TMEM114: variants seen among roughly 807,000 people sequenced by gnomAD.
TMEM114 encodes the protein claudin-26.
Under a neutral mutation model 6.2 loss-of-function variants are expected in TMEM114, and 6 were observed. The ratio of observed to expected loss-of-function variants is 0.97; its 90% confidence interval spans 0.53 to 1.91. TMEM114 has a LOEUF of 1.91. Ranked by LOEUF, TMEM114 falls within the 40% of genes most tolerant of loss-of-function variation. The pLI, the probability that TMEM114 is intolerant of heterozygous loss-of-function variation, is 0.01. For synonymous variants in TMEM114, 104 were observed against 73.0 expected (o/e 1.42, Z -2.16); for missense variants, 218 against 158.3 (o/e 1.38, Z -2.02).
At chr16:8,565,049 GTGAGTGAGTGAGTGAA>G (rs1273047313), downstream of TMEM114, among the ~76,000 whole-genome samples, 352 of 93,208 alleles carry the variant, frequency 3.8e-3, 1 homozygote, top group African/African-American at 0.012. Flanking sequence ...GAGTGAATGA[GTGAGTGAGTGAGTGAA>G]TGAGTGAGTG....
chr16:8,539,263 G>A (rs1048400338), intron 2 of TMEM114, among the ~76,000 whole-genome samples: 4 of 152,042 alleles, frequency 2.6e-5, no homozygotes, highest in African/African-American at 9.7e-5. Context: ...TGAATTCCAG[G>A]ATGTGATCTG....
At chr16:8,553,830 G>C (rs1392507520) in intron 2 of TMEM114, among the ~76,000 whole-genome samples, 5 of 151,466 alleles carry the variant, frequency 3.3e-5, no homozygotes, top group Admixed American at 2.0e-4. Context: ...CTCCCAAGTA[G>C]CTGGAATTAC....
At chr16:8,568,639 C>T (rs1013194061), downstream of TMEM114, among the ~76,000 whole-genome samples, 2 of 152,146 alleles carry the variant, frequency 1.3e-5, no homozygotes, top group African/African-American at 4.8e-5. Context: ...TCTTTTAATC[C>T]ACACCAGTAT....
intron 2 of TMEM114, among the ~76,000 whole-genome samples, chr16:8,564,235 T>A (rs62646484): frequency 1.4e-4 from 7 of 48,708 alleles, no homozygotes; most frequent in South Asian, 1.2e-3. Context: ...ATGAGTGAGT[T>A]AGTGAATGAG....
chr16:8,584,922 CAAAAAAA>C (rs905674847), intron 2 of TMEM114, among the ~76,000 whole-genome samples: 1 of 49,206 alleles, frequency 2.0e-5, no homozygotes, highest in Non-Finnish European at 4.2e-5. Flanking sequence ...AACGCCGTCT[CAAAAAAA>C]AAAAAAAAAA....
chr16:8,544,508 G>C (rs1484652978), intron 2 of TMEM114, among the ~76,000 whole-genome samples: 1 of 152,182 alleles, frequency 6.6e-6, no homozygotes, highest in Non-Finnish European at 1.5e-5. Context: ...AACGTCAAGT[G>C]ACTTGATATT....
At chr16:8,559,689 C>T (rs1318185458) in intron 2 of TMEM114, among the ~76,000 whole-genome samples, 2 of 152,170 alleles carry the variant, frequency 1.3e-5, no homozygotes, top group Non-Finnish European at 2.9e-5. Flanking sequence ...GGACAGACGT[C>T]GATGTTCTAA....
downstream of TMEM114, among the ~76,000 whole-genome samples, chr16:8,532,942 A>C (rs150741655): frequency 6.6e-6 from 1 of 152,286 alleles, no homozygotes; most frequent in East Asian, 1.9e-4. Flanking sequence ...GAAAAAAAAT[A>C]AAGAAAAGAA....
downstream of TMEM114, among the ~76,000 whole-genome samples, chr16:8,535,559 T>C (rs1183023747): frequency 6.6e-6 from 1 of 152,228 alleles, no homozygotes; most frequent in African/African-American, 2.4e-5. Flanking sequence ...ATTAATAATA[T>C]TGAAATAATG....
At chr16:8,546,955 G>A (rs1012212808) in intron 2 of TMEM114, among the ~76,000 whole-genome samples, 1 of 152,322 alleles carries the variant, frequency 6.6e-6, no homozygotes, top group South Asian at 2.1e-4. Context: ...TGGGAGGACA[G>A]GGGAAAGCCA....
chr16:8,549,694 G>A (rs761113333), intron 2 of TMEM114, among the ~76,000 whole-genome samples: 10 of 152,120 alleles, frequency 6.6e-5, no homozygotes, highest in African/African-American at 1.2e-4. Context: ...TTTTGTATGC[G>A]GGGTTCTGTG....
intron 2 of TMEM114, among the ~76,000 whole-genome samples, chr16:8,543,577 C>T (rs567307784): frequency 1.3e-5 from 2 of 152,242 alleles, no homozygotes; most frequent in African/African-American, 4.8e-5. Flanking sequence ...GCCAACCCAA[C>T]TCATTCTTTA....
chr16:8,550,671 T>C (rs1303160971), intron 2 of TMEM114, among the ~76,000 whole-genome samples: 2 of 145,820 alleles, frequency 1.4e-5, no homozygotes, highest in East Asian at 2.0e-4. Flanking sequence ...AGAGCAAAAC[T>C]TCGTCAAAAA....
intron 2 of TMEM114, among the ~76,000 whole-genome samples, chr16:8,574,248 G>T (rs1901838786): frequency 6.6e-6 from 1 of 152,124 alleles, no homozygotes; most frequent in African/African-American, 2.4e-5. Context: ...AAAGTATACG[G>T]CTCACAGAAT....
At chr16:8,568,234 G>A (rs979561718), downstream of TMEM114, among the ~76,000 whole-genome samples, 7 of 152,160 alleles carry the variant, frequency 4.6e-5, no homozygotes, top group African/African-American at 7.2e-5. Flanking sequence ...CCTCAATCAT[G>A]TGGCACCCCA....
chr16:8,552,555 A>G (rs186607920), intron 2 of TMEM114, among the ~76,000 whole-genome samples: 21 of 152,218 alleles, frequency 1.4e-4, no homozygotes, highest in Admixed American at 5.2e-4. Context: ...AGTTTAACTA[A>G]CAGTATTGCA....
the TMEM114 span, among the ~76,000 whole-genome samples, chr16:8,528,352 G>C: frequency 6.6e-6 from 1 of 152,162 alleles, no homozygotes; most frequent in African/African-American, 2.4e-5. Flanking sequence ...CCATTCTGCT[G>C]CAGAAGATGT....
chr16:8,569,497 G>A (rs1156470156), downstream of TMEM114: 1 of 1,359,640 alleles, frequency 7.4e-7, no homozygotes, highest in Non-Finnish European at 9.5e-7. Context: ...GTAAAGCTCT[G>A]TGTGTGATTA....
chr16:8,589,386 C>T, intron 1 of TMEM114, 93 bp from the exon 2 acceptor site: 1 of 398,694 alleles, frequency 2.5e-6, no homozygotes, highest in Non-Finnish European at 4.4e-6. Context: ...ACCCTAAGTG[C>T]CCCACCCGGG....
Sources: allele counts gnomAD v4.1 joint callset (sites outside exome capture counted in the v4.1 genomes callset), GRCh38; gene constraint gnomAD v4.1.1; transcripts MANE v1.5; gene names NCBI Gene and HGNC (gene_info 2026-07-23, HGNC 2026-07-21).